ZMYM2: variants seen among roughly 807,000 people sequenced by gnomAD.
The protein encoded by ZMYM2 is zinc finger MYM-type protein 2.
Under a neutral mutation model 162.8 loss-of-function variants are expected in ZMYM2, and 56 were observed. That is an observed-to-expected ratio of 0.34 (90% CI 0.28 to 0.43). The LOEUF (loss-of-function observed/expected upper bound fraction) is 0.43, where lower values mean the gene tolerates loss of function less well. ZMYM2 is among the 20% of genes least tolerant of loss of function. The probability of loss-of-function intolerance (pLI) is 1.00; values close to 1 mark genes in which losing one functional copy is unlikely to be tolerated. For missense variants in ZMYM2, 1,275 were observed against 1,621.8 expected, an observed-to-expected ratio of 0.79 and a Z score of 3.67; for synonymous variants, 510 against 541.6, an observed-to-expected ratio of 0.94 and a Z score of 0.81.
chr13:19,931,663 G>T, the ZMYM2 span, among the ~76,000 whole-genome samples: 3 of 152,122 alleles, frequency 2.0e-5, no homozygotes, highest in Non-Finnish European at 4.4e-5. Context: ...TTTCTCTGTT[G>T]CCCAGGCTGG....
In ZMYM2 at chr13:20,085,805, T is replaced by C. The variant is rs1958229137; in HGVS notation, c.3942-17T>C. On this transcript the variant is annotated splice_polypyrimidine_tract_variant and intron_variant, in intron 24 of 24. Transcript: ENST00000610343. ...TTGTGAAATTGACTTTTTCTCTTTTTCCTCCCGCCTCCAAAGTCCACAGAA... is the reference window on the plus strand; with the variant it reads ...TTGTGAAATTGACTTTTTCTCTTTTCCCTCCCGCCTCCAAAGTCCACAGAA... 2 of 1,565,444 alleles carry C rather than the reference T, an allele frequency of 1.3e-6. No homozygotes were observed. Among genetic ancestry groups the C allele is most frequent in the Non-Finnish European group, 1.7e-6 (2 of 1,160,200 alleles).
In ZMYM2 at chr13:20,082,016, T is replaced by G; in HGVS notation, c.3454T>G (p.Tyr1152Asp). The G allele has an allele frequency of 6.5e-7, 1 of 1,546,196 alleles. No individual in the cohort carries two copies. The highest frequency in any genetic ancestry group is 8.7e-7 in the Non-Finnish European group (1 of 1,149,006). Residue 1152 changes from tyrosine (Y) to aspartate (D), a missense_variant and splice_region_variant, in exon 22 of 25, where the codon TAT (tyrosine) becomes GAT (aspartate). By Grantham distance (160) the Tyr-to-Asp change is radical. This residue lies in a region of ZMYM2 where 103 missense variants were observed against 192.2 expected (regional missense o/e 0.54). Coordinates refer to ENST00000610343, the MANE Select transcript of ZMYM2 (RefSeq NM_197968.4). ...IYYLCLGIQE[Y>D]LCGSNRKDNI... Reference sequence around the variant, plus strand: ...TGTGGGGCTTTTTTTTTTTTTATAGTATTTGTGTGGAAGTAATCGAAAAGA... The same window carrying G: ...TGTGGGGCTTTTTTTTTTTTTATAGGATTTGTGTGGAAGTAATCGAAAAGA...
chr13:19,958,108 G>A (rs1219595690), upstream of ZMYM2, among the ~76,000 whole-genome samples: 2 of 152,178 alleles, frequency 1.3e-5, no homozygotes, highest in African/African-American at 4.8e-5. Context: ...CACGGGGCGC[G>A]GCGAGGGTGG....
At chr13:19,963,470 C>T (rs1387673698) in intron 2 of ZMYM2, among the ~76,000 whole-genome samples, 1 of 152,070 alleles carries the variant, frequency 6.6e-6, no homozygotes, top group South Asian at 2.1e-4. Context: ...GTAACAGTTG[C>T]AGCTTATTTT....
chr13:19,978,536 C>A (rs530675710), intron 2 of ZMYM2, among the ~76,000 whole-genome samples: 8 of 152,158 alleles, frequency 5.3e-5, no homozygotes, highest in Non-Finnish European at 1.0e-4. Flanking sequence ...CCTGCCTCAG[C>A]CTGCCGAGTA....
At chr13:20,009,700 C>T (rs2140027006) in intron 6 of ZMYM2, among the ~76,000 whole-genome samples, 1 of 152,294 alleles carries the variant, frequency 6.6e-6, no homozygotes, top group African/African-American at 2.4e-5. Flanking sequence ...AAAGCTGAAA[C>T]ATAATGCTTT....
chr13:20,065,838 G>A (rs892611649), intron 19 of ZMYM2, among the ~76,000 whole-genome samples: 1 of 152,126 alleles, frequency 6.6e-6, no homozygotes, highest in African/African-American at 2.4e-5. Context: ...CAAAACTCTA[G>A]CATGGGTGAC....
chr13:20,081,784 C>T (rs1957927821), intron 21 of ZMYM2, among the ~76,000 whole-genome samples: 1 of 150,766 alleles, frequency 6.6e-6, no homozygotes, highest in African/African-American at 2.4e-5. Context: ...TTTTTACATT[C>T]TTGATTCTGG....
chr13:19,912,808 G>C, the ZMYM2 span, among the ~76,000 whole-genome samples: 1 of 152,146 alleles, frequency 6.6e-6, no homozygotes, highest in East Asian at 1.9e-4. Context: ...AACTCAGGGG[G>C]CTTCTATCTC....
the ZMYM2 span, among the ~76,000 whole-genome samples, chr13:19,907,008 G>A: frequency 2.0e-5 from 3 of 152,102 alleles, no homozygotes; most frequent in East Asian, 5.8e-4. Flanking sequence ...TTACAGGCAT[G>A]AGCCACCACA....
chr13:19,985,649 C>G (rs1949070946), intron 2 of ZMYM2, among the ~76,000 whole-genome samples: 1 of 149,768 alleles, frequency 6.7e-6, no homozygotes. Context: ...TTGCAGTGAG[C>G]CGAGATCATG....
intron 9 of ZMYM2, among the ~76,000 whole-genome samples, chr13:20,030,461 T>C (rs558640366): frequency 1.3e-4 from 19 of 149,668 alleles, no homozygotes; most frequent in Non-Finnish European, 2.4e-4. Flanking sequence ...TGCAGTGGCG[T>C]GATCTCGGCT....
At chr13:19,874,332 A>C in the ZMYM2 span, among the ~76,000 whole-genome samples, 1 of 152,056 alleles carries the variant, frequency 6.6e-6, no homozygotes, top group South Asian at 2.1e-4. Flanking sequence ...GGATCCTCCC[A>C]CCTCAGTCTT....
At position 20,066,836 on chromosome 13, in the gene ZMYM2, G is replaced by GT. The variant is rs111522630; in HGVS notation, c.3133-9dup. On this transcript the variant is annotated splice_polypyrimidine_tract_variant and intron_variant, in intron 19 of 24. Coordinates refer to ENST00000610343, the MANE Select transcript of ZMYM2 (RefSeq NM_197968.4). ...GCTTTAAAAAAGATATTATTATGGT[G>GT]TTTTTTACTAATAGGGAGCCAAGAG... 3.9e-6 allele frequency: 6 copies of GT among 1,552,710 alleles called. No homozygotes were observed. Among genetic ancestry groups the GT allele is most frequent in the African/African-American group, 2.8e-5 (2 of 72,264 alleles).
chr13:20,027,486 A>G lies in ZMYM2; in HGVS notation c.1851+168A>G, dbSNP rs140271879. Among the ~76,000 whole-genome samples the G allele has an allele frequency of 1.1e-3, 171 of 152,286 alleles. 1 individual carries two copies. The Middle Eastern group carries it at 0.017, about 15-fold the overall frequency. On this transcript the variant is annotated intron_variant, in intron 9 of 24. Transcript: ENST00000610343. Reference sequence around the variant, plus strand: ...GAATATGTGGCTGTACCAGTTTTCTATTTTAGCCTGGATAGTCTAATTGAG... The same window carrying G: ...GAATATGTGGCTGTACCAGTTTTCTGTTTTAGCCTGGATAGTCTAATTGAG...
intron 10 of ZMYM2, among the ~76,000 whole-genome samples, chr13:20,032,599 CTTTTTTTTTTTT>C (rs57294389): frequency 7.9e-4 from 52 of 66,038 alleles, no homozygotes; most frequent in Non-Finnish European, 7.8e-4. Context: ...TTTTTTCTGT[CTTTTTTTTTTTT>C]TTTTTTTTTT....
chr13:19,920,773 T>C, the ZMYM2 span, among the ~76,000 whole-genome samples: 1 of 137,268 alleles, frequency 7.3e-6, no homozygotes. Flanking sequence ...TATGTATGTA[T>C]GTATTTTTGA....
At chr13:19,866,542 G>C in the ZMYM2 span, among the ~76,000 whole-genome samples, 1 of 152,084 alleles carries the variant, frequency 6.6e-6, no homozygotes, top group Admixed American at 6.5e-5. Flanking sequence ...GCGCATGCCT[G>C]TAATTCCAGA....
At chr13:19,939,304 G>A in the ZMYM2 span, among the ~76,000 whole-genome samples, 2 of 151,800 alleles carry the variant, frequency 1.3e-5, no homozygotes, top group Admixed American at 1.3e-4. Context: ...GATTACAGGT[G>A]TGAGCCACCG....
Sources: gnomAD v4.1 joint callset for allele counts (sites outside exome capture counted in the v4.1 genomes callset) on GRCh38, gnomAD v4.1.1 for gene constraint, gnomAD v4.1.1 regional missense constraint, MANE v1.5 for transcripts, NCBI Gene and HGNC (gene_info 2026-07-23, HGNC 2026-07-21) for gene names.